BICDL1: variants seen among roughly 807,000 people sequenced by gnomAD.
BICDL1 encodes the protein BICD family-like cargo adapter 1.
BICDL1 carries 20 observed loss-of-function variants against 76.8 expected under a neutral mutation model. That is an observed-to-expected ratio of 0.26 (90% CI 0.18 to 0.38). BICDL1 has a LOEUF of 0.38. Ranked by LOEUF, BICDL1 falls within the 10% of genes least tolerant of loss-of-function variation. BICDL1 has a pLI of 1.00. For missense variants in BICDL1, 700 were observed against 798.6 expected, an observed-to-expected ratio of 0.88 and a Z score of 1.49; for synonymous variants, 383 against 337.1, an observed-to-expected ratio of 1.14 and a Z score of -1.49.
intron 2 of BICDL1, among the ~76,000 whole-genome samples, chr12:120,023,791 AAAAAAAAAAAGG>A (rs1952232706): frequency 7.0e-6 from 1 of 143,792 alleles, no homozygotes; most frequent in South Asian, 2.2e-4. Flanking sequence ...TTCCATCTCG[AAAAAAAAAAAGG>A]AAAAAAAAAA....
At chr12:120,027,087 A>G (rs912068373) in intron 2 of BICDL1, among the ~76,000 whole-genome samples, 3 of 144,492 alleles carry the variant, frequency 2.1e-5, no homozygotes, top group Non-Finnish European at 3.0e-5. Flanking sequence ...CTGGAGTGCA[A>G]TGGCGCAATC....
chr12:120,092,920 T>C, intron 9 of BICDL1, 80 bp from the exon 10 acceptor site: 2 of 1,484,516 alleles, frequency 1.3e-6, no homozygotes, highest in South Asian at 1.4e-5. Context: ...ATCTGTCTGA[T>C]GTTCCCACCT....
chr12:120,085,255 G>T (rs768377571), intron 8 of BICDL1, among the ~76,000 whole-genome samples: 4 of 152,068 alleles, frequency 2.6e-5, no homozygotes, highest in Non-Finnish European at 5.9e-5. Context: ...AGACCAACCT[G>T]GCCAACATGG....
chr12:120,021,301 A>C (rs552929459), intron 2 of BICDL1, among the ~76,000 whole-genome samples: 148 of 149,204 alleles, frequency 9.9e-4, no homozygotes, highest in African/African-American at 3.3e-3. Flanking sequence ...AAAAGGAGAG[A>C]ATAGGCAGGG....
rs749626216 is a variant in BICDL1, at chr12:120,091,006, C to T, written c.1704+935C>T. 9 of 1,288,996 alleles carry T rather than the reference C, an allele frequency of 7.0e-6. No individual in the cohort carries two copies. The South Asian group carries it at 7.4e-5, about 11-fold the overall frequency. The allele number at this position is 1,288,996 out of a possible 1,614,324, so 79.8% of individuals were successfully genotyped here. The stretch of plus-strand genomic sequence containing the variant: ...TATCAACAGCTTTAGTTGTACACCC[C>T]TCCTGCCTTTGAGGTGAGCCTGAGC... On this transcript the variant is annotated intron_variant, in intron 9 of 9. Coordinates refer to ENST00000548673, the MANE Select transcript of BICDL1 (RefSeq NM_001367886.1).
intron 2 of BICDL1, among the ~76,000 whole-genome samples, chr12:120,006,437 G>A (rs1047424863): frequency 6.6e-6 from 1 of 152,176 alleles, no homozygotes; most frequent in African/African-American, 2.4e-5. Flanking sequence ...AGTGAACAAG[G>A]TGCATTCCCT....
At chr12:120,073,230 G>A (rs1431872708) in intron 6 of BICDL1, among the ~76,000 whole-genome samples, 1 of 152,218 alleles carries the variant, frequency 6.6e-6, no homozygotes, top group Non-Finnish European at 1.5e-5. Flanking sequence ...GGGGCCAAGT[G>A]TCAGGGCTCC....
chr12:120,033,846 G>A (rs1252323837), intron 2 of BICDL1, among the ~76,000 whole-genome samples: 1 of 152,120 alleles, frequency 6.6e-6, no homozygotes, highest in Non-Finnish European at 1.5e-5. Flanking sequence ...GTGCACTTCT[G>A]ATGTATTACA....
At chr12:120,004,600 TA>T (rs1289324336) in intron 2 of BICDL1, among the ~76,000 whole-genome samples, 1 of 152,224 alleles carries the variant, frequency 6.6e-6, no homozygotes, top group East Asian at 1.9e-4. Context: ...GAGACTGAAA[TA>T]AAGAAACAAA....
chr12:120,080,071 G>C (rs1873848146), intron 7 of BICDL1, among the ~76,000 whole-genome samples: 1 of 152,316 alleles, frequency 6.6e-6, no homozygotes, highest in Admixed American at 6.5e-5. Context: ...TACTGCTTTG[G>C]GATTAAGCAC....
chr12:120,062,694 C>T (rs941407088), intron 3 of BICDL1, among the ~76,000 whole-genome samples: 2 of 152,182 alleles, frequency 1.3e-5, no homozygotes, highest in Admixed American at 6.5e-5. Context: ...CTCTTTTCTC[C>T]TGCCTCCTAT....
chr12:119,989,805 T>TC lies in BICDL1; in HGVS notation c.-58dup, dbSNP rs1223024969. ...ACGCGGGGCGGCGCGGCAGGGCCCC[T>TC]CCCCCCTGCAGCCTGGCGCGCGCGG... On this transcript the variant is annotated 5_prime_UTR_variant, in exon 1 of 10. Coordinates refer to ENST00000548673, the MANE Select transcript of BICDL1 (RefSeq NM_001367886.1). 2.5e-5 allele frequency: 20 copies of TC among 785,234 alleles called. No homozygotes were observed. In the Admixed American group the frequency reaches 3.6e-4, roughly 14 times the overall value. The allele number at this position is 785,234 out of a possible 1,614,324, so 48.6% of individuals were successfully genotyped here.
In BICDL1 at chr12:120,067,597, A is replaced by G. The variant is rs76674812; in HGVS notation, c.909+2718A>G. ...CTGTGTCTGTCCAGTTGGTGAATCAATTGTTGACTGGAGAGTGCAGACCTC... is the reference window on the plus strand; with the variant it reads ...CTGTGTCTGTCCAGTTGGTGAATCAGTTGTTGACTGGAGAGTGCAGACCTC... On this transcript the variant is annotated intron_variant, in intron 4 of 9. Transcript: ENST00000548673. Among the ~76,000 whole-genome samples, 49 of 152,264 alleles carry G rather than the reference A, an allele frequency of 3.2e-4. No homozygotes were observed. The East Asian group carries it at 6.0e-3, about 19-fold the overall frequency.
rs936615829 is a variant in BICDL1, at chr12:120,093,998, C to A, written c.*837C>A. 1 of 349,658 alleles carries A rather than the reference C, an allele frequency of 2.9e-6. No individual in the cohort carries two copies. The allele number at this position is 349,658 out of a possible 1,614,324, so 21.7% of individuals were successfully genotyped here. On this transcript the variant is annotated 3_prime_UTR_variant, in exon 10 of 10. Transcript: ENST00000548673. ...CACCCCTCACATACATACATAATTTCTTGGCCTAGCCAAACAAGTCCAGGC... is the reference window on the plus strand; with the variant it reads ...CACCCCTCACATACATACATAATTTATTGGCCTAGCCAAACAAGTCCAGGC...
rs1873387396 is a variant in BICDL1, at chr12:120,074,564, A to T, written c.1430A>T (p.Glu477Val). 1 of 1,247,432 alleles carries T rather than the reference A, an allele frequency of 8.0e-7. No individual in the cohort carries two copies. The highest frequency in any genetic ancestry group is 1.6e-5 in the African/African-American group (1 of 63,968). 77.3% of individuals were successfully genotyped at this position (1,247,432 alleles called of 1,614,324 possible). A position where few individuals can be genotyped will look rare whatever the true frequency, so the allele number is the denominator to read the frequency against. ...ERGKLRQSLE[E>V]LQRLHSQVTL... The stretch of plus-strand genomic sequence containing the variant: ...GGTAAACTGAGGCAAAGCCTAGAAG[A>T]GCTGCAGCGACTCCACAGTCAGGTG... Residue 477 changes from glutamate to valine, a missense_variant, in exon 7 of 10, where the codon GAG (glutamate) becomes GTG (valine). Glu to Val is a moderately radical substitution (Grantham distance 121). Transcript: ENST00000548673.
chr12:120,004,886 A>T (rs1409882418), intron 2 of BICDL1, among the ~76,000 whole-genome samples: 2 of 152,128 alleles, frequency 1.3e-5, no homozygotes, highest in Non-Finnish European at 2.9e-5. Flanking sequence ...CAATGGCACG[A>T]TCTCAGCTCA....
chr12:120,057,404 T>A (rs1438663044), intron 2 of BICDL1, among the ~76,000 whole-genome samples: 1 of 152,182 alleles, frequency 6.6e-6, no homozygotes, highest in Non-Finnish European at 1.5e-5. Context: ...CTCTCCCACT[T>A]CTTCAAAGGT....
At chr12:120,020,676 C>T (rs554975887) in intron 2 of BICDL1, among the ~76,000 whole-genome samples, 5 of 152,268 alleles carry the variant, frequency 3.3e-5, no homozygotes, top group Non-Finnish European at 7.3e-5. Flanking sequence ...AAATCATCTA[C>T]AGATGATAAA....
intron 1 of BICDL1, among the ~76,000 whole-genome samples, 155 bp downstream of exon 1, chr12:119,990,452 C>G (rs549585150): frequency 8.5e-5 from 13 of 152,314 alleles, no homozygotes; most frequent in African/African-American, 3.1e-4. Context: ...GGAGGATTAT[C>G]AGATTTCGTT....
Sources: gnomAD v4.1 joint callset for allele counts (sites outside exome capture counted in the v4.1 genomes callset) on GRCh38, gnomAD v4.1.1 for gene constraint, MANE v1.5 for transcripts, NCBI Gene and HGNC (gene_info 2026-07-23, HGNC 2026-07-21) for gene names.